ZSWIM5: variants seen among roughly 807,000 people sequenced by gnomAD.
ZSWIM5 encodes the protein zinc finger SWIM-type containing 5.
Under a neutral mutation model 119.6 loss-of-function variants are expected in ZSWIM5, and 55 were observed. The ratio of observed to expected loss-of-function variants is 0.46; its 90% confidence interval spans 0.37 to 0.58. ZSWIM5 has a LOEUF of 0.58. Among genes scored for constraint, ZSWIM5 ranks in the 20% least tolerant of loss-of-function variants. The pLI, the probability that ZSWIM5 is intolerant of heterozygous loss-of-function variation, is 0.00. For missense variants in ZSWIM5, 1,193 were observed against 1,512.8 expected (o/e 0.79, Z 3.51); for synonymous variants, 537 against 606.9 (o/e 0.88, Z 1.69).
intron 1 of ZSWIM5, among the ~76,000 whole-genome samples, chr1:45,172,845 T>C (rs901987409): frequency 1.3e-5 from 2 of 152,132 alleles, no homozygotes; most frequent in South Asian, 2.1e-4. Flanking sequence ...CTCTTCAGAA[T>C]GTTGTGCCTC....
At chr1:45,035,901 T>C (rs1012513021) in intron 9 of ZSWIM5, 78 bp from the exon 10 acceptor site, 2 of 1,586,372 alleles carry the variant, frequency 1.3e-6, no homozygotes, top group African/African-American at 1.4e-5. Context: ...CAGTATCTCA[T>C]GCATGTTTGC....
rs182176193 is a variant in ZSWIM5, at chr1:45,121,362, G to A, written c.596-33125C>T. On this transcript the variant is annotated intron_variant, in intron 1 of 13. Coordinates refer to ENST00000359600, the MANE Select transcript of ZSWIM5 (RefSeq NM_020883.2). ...CCTCTCTGTAGGCTCTTATTCCTCT[G>A]CCTATCACTTTAATGTTCCTCAGGA... Among the ~76,000 whole-genome samples, 5 of 152,170 alleles carry A rather than the reference G, an allele frequency of 3.3e-5. No homozygotes were observed. In the East Asian group the frequency reaches 9.7e-4, roughly 29 times the overall value.
At chr1:45,178,927 A>C (rs1645997126) in intron 1 of ZSWIM5, among the ~76,000 whole-genome samples, 2 of 152,020 alleles carry the variant, frequency 1.3e-5, no homozygotes, top group Non-Finnish European at 2.9e-5. Flanking sequence ...TTTAAAATTA[A>C]AATAAATAAA....
At chr1:45,152,577 C>T (rs1339694195) in intron 1 of ZSWIM5, among the ~76,000 whole-genome samples, 1 of 152,080 alleles carries the variant, frequency 6.6e-6, no homozygotes, top group African/African-American at 2.4e-5. Flanking sequence ...TGGACCACTA[C>T]CTTTCACCAT....
intron 4 of ZSWIM5, among the ~76,000 whole-genome samples, chr1:45,053,119 G>A (rs150359434): frequency 0.011 from 1,157 of 100,674 alleles, 20 homozygotes; most frequent in African/African-American, 0.04. Flanking sequence ...GTGAAACTCC[G>A]TCTCAAACAA....
intron 1 of ZSWIM5, among the ~76,000 whole-genome samples, chr1:45,142,179 C>T (rs535843764): frequency 1.2e-4 from 19 of 152,084 alleles, no homozygotes; most frequent in South Asian, 6.2e-4. Context: ...CCACTGCACT[C>T]CAGCCTAGGT....
At position 45,035,681 on chromosome 1, in the gene ZSWIM5, T is replaced by C. The variant is rs1644978640; in HGVS notation, c.2291+7A>G. ...GGAGGCAATTGGACTGGGAAAGGGC[T>C]ACCCACCTCATGGCACGTAAGGCTA... On this transcript the variant is annotated splice_region_variant and intron_variant, in intron 10 of 13. Transcript: ENST00000359600. The C allele has an allele frequency of 1.1e-5, 18 of 1,612,620 alleles. No homozygotes were observed. The highest frequency in any genetic ancestry group is 1.4e-5 in the Non-Finnish European group (16 of 1,179,878).
At chr1:45,158,764 A>G (rs1370987527) in intron 1 of ZSWIM5, among the ~76,000 whole-genome samples, 1 of 152,192 alleles carries the variant, frequency 6.6e-6, no homozygotes, top group African/African-American at 2.4e-5. Flanking sequence ...CAAATCTTAG[A>G]CTGCAAAACT....
chr1:45,117,679 G>GT (rs2149026502), intron 1 of ZSWIM5, among the ~76,000 whole-genome samples: 1 of 151,644 alleles, frequency 6.6e-6, no homozygotes, highest in Non-Finnish European at 1.5e-5. Flanking sequence ...TCAAAAAAAA[G>GT]TAACAAGGAG....
intron 1 of ZSWIM5, among the ~76,000 whole-genome samples, chr1:45,191,762 A>G (rs577251730): frequency 1.3e-5 from 2 of 152,364 alleles, no homozygotes; most frequent in Non-Finnish European, 2.9e-5. Flanking sequence ...TTAGGAATTT[A>G]GAGCTCATTC....
Position 45,017,727 on chromosome 1 carries a change from C to T in ZSWIM5, c.*727G>A, listed in dbSNP as rs1215242609. 1 of 152,250 alleles carries T rather than the reference C, an allele frequency of 6.6e-6. No homozygotes were observed. Among genetic ancestry groups the T allele is most frequent in the East Asian group, 1.9e-4 (1 of 5,204 alleles). 9.4% of individuals were successfully genotyped at this position (152,250 alleles called of 1,614,324 possible). ...GGTGTTCAGCAGGCTCCTGAAGAGG[C>T]TGTGTGAGGCAGGAGCTTCAATGTC... On this transcript the variant is annotated 3_prime_UTR_variant, in exon 14 of 14. Transcript: ENST00000359600.
chr1:45,190,136 A>G (rs928347100), intron 1 of ZSWIM5, among the ~76,000 whole-genome samples: 1 of 152,092 alleles, frequency 6.6e-6, no homozygotes, highest in Non-Finnish European at 1.5e-5. Flanking sequence ...CAACATGGAA[A>G]AACCCTGTCT....
intron 1 of ZSWIM5, among the ~76,000 whole-genome samples, chr1:45,183,620 C>T (rs183055569): frequency 6.8e-4 from 104 of 152,332 alleles, no homozygotes; most frequent in African/African-American, 2.4e-3. Context: ...ACTACAAACA[C>T]CTCTATGCAA....
At chr1:45,202,640 C>A (rs1036647736) in intron 1 of ZSWIM5, among the ~76,000 whole-genome samples, 3 of 152,038 alleles carry the variant, frequency 2.0e-5, no homozygotes, top group Non-Finnish European at 2.9e-5. Context: ...ATGTACCAGG[C>A]GCAGAAGGCC....
intron 1 of ZSWIM5, among the ~76,000 whole-genome samples, chr1:45,191,564 G>T (rs1312470685): frequency 6.6e-6 from 1 of 152,156 alleles, no homozygotes; most frequent in Non-Finnish European, 1.5e-5. Flanking sequence ...AGGATTGACT[G>T]AAGTCTCCGT....
chr1:45,153,280 G>C (rs1055482694), intron 1 of ZSWIM5, among the ~76,000 whole-genome samples: 1 of 151,816 alleles, frequency 6.6e-6, no homozygotes, highest in Non-Finnish European at 1.5e-5. Flanking sequence ...CCAGCACTTT[G>C]GGAGGCCGAG....
intron 1 of ZSWIM5, among the ~76,000 whole-genome samples, chr1:45,157,227 C>A (rs1040886370): frequency 1.5e-4 from 23 of 152,228 alleles, no homozygotes; most frequent in Middle Eastern, 6.8e-3. Context: ...ATTGCCCAGG[C>A]AGTCGCACAC....
At chr1:45,050,208 A>T (rs1166818356) in intron 5 of ZSWIM5, among the ~76,000 whole-genome samples, 1 of 151,964 alleles carries the variant, frequency 6.6e-6, no homozygotes, top group Non-Finnish European at 1.5e-5. Context: ...TACAAAAATT[A>T]GCCGGGCGTG....
chr1:45,165,539 G>T (rs1374320529), intron 1 of ZSWIM5, among the ~76,000 whole-genome samples: 4 of 151,864 alleles, frequency 2.6e-5, no homozygotes, highest in African/African-American at 9.7e-5. Context: ...CTGGTTTTTT[G>T]AAAAGATCAA....
Sources: gnomAD v4.1 joint callset for allele counts (sites outside exome capture counted in the v4.1 genomes callset) on GRCh38, gnomAD v4.1.1 for gene constraint, MANE v1.5 for transcripts, NCBI Gene and HGNC (gene_info 2026-07-23, HGNC 2026-07-21) for gene names.